The following PDE8B variants were observed in gnomAD, a reference collection of about 807,000 sequenced individuals.
PDE8B encodes the protein high affinity cAMP-specific and IBMX-insensitive 3',5'-cyclic phosphodiesterase 8B.
In PDE8B, 26 loss-of-function variants were observed where a neutral mutation model predicts 101.3. That is an observed-to-expected ratio of 0.26 (90% CI 0.19 to 0.36). The LOEUF is 0.36. PDE8B is among the 10% of genes least tolerant of loss of function. The probability of loss-of-function intolerance (pLI) is 1.00; values close to 1 mark genes in which losing one functional copy is unlikely to be tolerated. For synonymous variants in PDE8B, 424 were observed against 429.3 expected (o/e 0.99, Z 0.15); for missense variants, 810 against 1,163.1 (o/e 0.70, Z 4.42).
At chr5:77,318,239 A>G (rs969418476) in intron 2 of PDE8B, among the ~76,000 whole-genome samples, 3 of 152,142 alleles carry the variant, frequency 2.0e-5, no homozygotes, top group East Asian at 3.9e-4. Context: ...GGAGATGTTC[A>G]GACTCAGTAA....
At chr5:77,253,224 G>T (rs374344728) in intron 1 of PDE8B, among the ~76,000 whole-genome samples, 1 of 152,056 alleles carries the variant, frequency 6.6e-6, no homozygotes, top group Admixed American at 6.6e-5. Flanking sequence ...TGTGTGTTGC[G>T]ATCTTATTGT....
chr5:77,159,886 G>A, the PDE8B span, among the ~76,000 whole-genome samples: 1 of 152,186 alleles, frequency 6.6e-6, no homozygotes, highest in African/African-American at 2.4e-5. Flanking sequence ...TGGAGATTTG[G>A]GGTCTTTCAG....
intron 1 of PDE8B, among the ~76,000 whole-genome samples, chr5:77,297,513 G>C (rs1768868190): frequency 6.6e-6 from 1 of 152,126 alleles, no homozygotes; most frequent in South Asian, 2.1e-4. Context: ...TCCATGTGAT[G>C]CTGATGCTGC....
At chr5:77,233,090 CT>C (rs1025347208) in intron 1 of PDE8B, among the ~76,000 whole-genome samples, 7 of 151,834 alleles carry the variant, frequency 4.6e-5, no homozygotes, top group Non-Finnish European at 8.8e-5. Flanking sequence ...GTGCTGTGGG[CT>C]TTTATTACTG....
the PDE8B span, among the ~76,000 whole-genome samples, chr5:77,127,209 TC>T: frequency 6.6e-6 from 1 of 152,104 alleles, no homozygotes. Flanking sequence ...CGAATTGTAA[TC>T]CCCATGTGCT....
chr5:77,124,526 G>T, the PDE8B span, among the ~76,000 whole-genome samples: 1 of 151,938 alleles, frequency 6.6e-6, no homozygotes, highest in East Asian at 1.9e-4. Context: ...GGTTGAGGCT[G>T]TAGTGAGCTG....
At chr5:77,236,696 G>A (rs928535636) in intron 1 of PDE8B, among the ~76,000 whole-genome samples, 1 of 152,134 alleles carries the variant, frequency 6.6e-6, no homozygotes, top group African/African-American at 2.4e-5. Flanking sequence ...AGAGAGAATG[G>A]GGGAGAGTAA....
At chr5:77,426,377 C>G in intron 21 of PDE8B, 68 bp from the exon 22 acceptor site, 3 of 1,021,976 alleles carry the variant, frequency 2.9e-6, no homozygotes, top group Non-Finnish European at 4.6e-6. Context: ...CCCAGACACC[C>G]CCAGGCTTAT....
intron 2 of PDE8B, among the ~76,000 whole-genome samples, chr5:77,317,495 G>C (rs1262440535): frequency 6.6e-6 from 1 of 152,170 alleles, no homozygotes; most frequent in Non-Finnish European, 1.5e-5. Context: ...GCTGGCAGGA[G>C]CACAGTTAGG....
chr5:77,173,896 G>A, the PDE8B span, among the ~76,000 whole-genome samples: 1 of 152,154 alleles, frequency 6.6e-6, no homozygotes, highest in African/African-American at 2.4e-5. Flanking sequence ...TCCATTTGCA[G>A]TCTTTAAGGC....
intron 10 of PDE8B, among the ~76,000 whole-genome samples, chr5:77,364,296 A>G (rs1205620217): frequency 1.3e-5 from 2 of 152,218 alleles, no homozygotes; most frequent in Non-Finnish European, 2.9e-5. Context: ...AAACCCAGCC[A>G]TTGTACCACC....
At chr5:77,268,411 A>G (rs370368528) in intron 1 of PDE8B, among the ~76,000 whole-genome samples, 20 of 152,130 alleles carry the variant, frequency 1.3e-4, no homozygotes, top group African/African-American at 4.8e-4. Context: ...GTTGTTGACT[A>G]TAATCACCCT....
At chr5:77,418,491 G>A (rs1287721724) in intron 18 of PDE8B, 45 bp downstream of exon 18, 2 of 1,395,720 alleles carry the variant, frequency 1.4e-6, no homozygotes, top group African/African-American at 1.4e-5. Context: ...TGAAGTTTAA[G>A]TGGTTTTCCC....
At chr5:77,175,248 C>T in the PDE8B span, among the ~76,000 whole-genome samples, 1 of 152,146 alleles carries the variant, frequency 6.6e-6, no homozygotes, top group Admixed American at 6.5e-5. Flanking sequence ...ACCCTTCATC[C>T]CTAGAATTGA....
chr5:77,407,406 T>C lies in PDE8B; in HGVS notation c.1314T>C (p.Tyr438=), dbSNP rs1327246898. 4.3e-6 allele frequency: 7 copies of C among 1,614,114 alleles called. No individual in the cohort carries two copies. The highest frequency in any genetic ancestry group is 5.9e-6 in the Non-Finnish European group (7 of 1,180,004). The change falls in exon 13 of 22, where the codon TAT becomes TAC. Residue 438 remains tyrosine (Y), a synonymous_variant. Transcript: ENST00000264917. ...CACCAAGCCTGCAGAATCGTCGCTA[T>C]CCGTCCATGGCGAGGATCCACTCCA... ...SDAPSLQNRR[Y]PSMARIHSMT...
chr5:77,353,405 A>G lies in PDE8B; in HGVS notation c.1166A>G (p.Gln389Arg), dbSNP rs142458899. The stretch of plus-strand genomic sequence containing the variant: ...TGTTGTACCACTGACAATAATAAGC[A>G]GGTATGGTATTAGCTCACTTCGTTT... The part of the protein sequence containing the change: ...KLCCTTDNNK[Q>R]IHKIHRDSGD... Residue 389 changes from glutamine (Q) to arginine (R), a missense_variant and splice_region_variant, in exon 10 of 22, where the codon CAG (glutamine) becomes CGG (arginine). Gln to Arg is a conservative substitution (Grantham distance 43). Coordinates refer to ENST00000264917, the MANE Select transcript of PDE8B (RefSeq NM_003719.5). The G allele has an allele frequency of 6.3e-7, 1 of 1,588,318 alleles. No individual in the cohort carries two copies. Among genetic ancestry groups the G allele is most frequent in the Non-Finnish European group, 8.6e-7 (1 of 1,156,602 alleles).
chr5:77,413,720 C>T (rs571068687), intron 17 of PDE8B, among the ~76,000 whole-genome samples: 112 of 152,178 alleles, frequency 7.4e-4, no homozygotes, highest in Non-Finnish European at 1.4e-3. Flanking sequence ...ATAGCCATTC[C>T]GCATTCTACA....
At chr5:77,333,294 G>A (rs1180710127) in intron 5 of PDE8B, among the ~76,000 whole-genome samples, 1 of 152,170 alleles carries the variant, frequency 6.6e-6, no homozygotes, top group Non-Finnish European at 1.5e-5. Context: ...TTTTTGGAAT[G>A]AAGAGTTGCA....
At chr5:77,111,318 G>A in the PDE8B span, among the ~76,000 whole-genome samples, 8 of 152,116 alleles carry the variant, frequency 5.3e-5, no homozygotes, top group African/African-American at 1.4e-4. Context: ...TAGCTTACTC[G>A]GCTGGATGGA....
Sources: allele counts gnomAD v4.1 joint callset (sites outside exome capture counted in the v4.1 genomes callset), GRCh38; gene constraint gnomAD v4.1.1; transcripts MANE v1.5; gene names NCBI Gene and HGNC (gene_info 2026-07-23, HGNC 2026-07-21).